Variants in TMEM117 observed in about 807,000 individuals in gnomAD.
TMEM117 encodes the protein transmembrane protein 117.
In TMEM117, 27 loss-of-function variants were observed where a neutral mutation model predicts 52.4. The observed-to-expected ratio is 0.51, with a 90% CI of 0.38 to 0.71. The LOEUF is 0.71. Ranked by LOEUF, TMEM117 falls within the 30% of genes least tolerant of loss-of-function variation. TMEM117 has a pLI of 0.00. For synonymous variants in TMEM117, 215 were observed against 206.3 expected (o/e 1.04, Z -0.36); for missense variants, 556 against 630.5 (o/e 0.88, Z 1.26).
chr12:44,226,782 G>C (rs923424663), intron 5 of TMEM117, among the ~76,000 whole-genome samples: 4 of 152,102 alleles, frequency 2.6e-5, no homozygotes, highest in African/African-American at 9.7e-5. Context: ...ATAAGCCAGG[G>C]AGAGAGGCCT....
chr12:43,864,112 G>A (rs1943539790), intron 2 of TMEM117, among the ~76,000 whole-genome samples: 1 of 152,180 alleles, frequency 6.6e-6, no homozygotes, highest in Non-Finnish European at 1.5e-5. Flanking sequence ...TTCTCACGGG[G>A]CTTTAGCTGC....
intron 5 of TMEM117, among the ~76,000 whole-genome samples, chr12:44,278,220 T>C (rs1436070160): frequency 6.6e-6 from 1 of 152,146 alleles, no homozygotes; most frequent in African/African-American, 2.4e-5. Flanking sequence ...TGATGCCTCA[T>C]CATATTCATA....
intron 5 of TMEM117, among the ~76,000 whole-genome samples, chr12:44,266,680 A>G (rs570294734): frequency 7.9e-5 from 12 of 152,260 alleles, no homozygotes; most frequent in Non-Finnish European, 7.4e-5. Context: ...CACATTTAAG[A>G]AACAGTTGTC....
At chr12:43,947,016 G>T (rs1403675971) in intron 3 of TMEM117, among the ~76,000 whole-genome samples, 1 of 152,148 alleles carries the variant, frequency 6.6e-6, no homozygotes, top group African/African-American at 2.4e-5. Flanking sequence ...CAAAGCAAGG[G>T]ACAAATGGTT....
At chr12:43,804,166 T>C in the TMEM117 span, 1 of 387,136 alleles carries the variant, frequency 2.6e-6, no homozygotes, top group Non-Finnish European at 5.2e-6. Flanking sequence ...TTTTTTTTTT[T>C]GATAATCACC....
At chr12:43,995,770 G>A (rs1946020393) in intron 3 of TMEM117, among the ~76,000 whole-genome samples, 2 of 152,136 alleles carry the variant, frequency 1.3e-5, no homozygotes. Flanking sequence ...CAAGAAAACA[G>A]ACTAATAATC....
intron 6 of TMEM117, among the ~76,000 whole-genome samples, chr12:44,368,650 G>A (rs1023071129): frequency 1.3e-5 from 2 of 152,128 alleles, no homozygotes; most frequent in African/African-American, 4.8e-5. Context: ...ACAATTGAAT[G>A]TGACCATTCC....
chr12:44,334,803 T>G lies in TMEM117; in HGVS notation c.768+35064T>G, dbSNP rs75911448. Among the ~76,000 whole-genome samples the G allele has an allele frequency of 1.6e-3, 237 of 152,166 alleles. 1 individual carries two copies. The highest frequency in any genetic ancestry group is 5.3e-3 in the African/African-American group (219 of 41,552). The stretch of plus-strand genomic sequence containing the variant: ...GCACAGTGACATTTAAAAAGTACTG[T>G]TTCATGAGTATCTGATTCATGATCT... On this transcript the variant is annotated intron_variant, in intron 6 of 7. Transcript: ENST00000266534.
At chr12:43,995,165 G>A (rs1278412448) in intron 3 of TMEM117, among the ~76,000 whole-genome samples, 2 of 151,934 alleles carry the variant, frequency 1.3e-5, no homozygotes, top group Non-Finnish European at 2.9e-5. Flanking sequence ...CAGTTACTCA[G>A]GAGGCTGAGG....
chr12:44,398,416 C>G, the TMEM117 span, among the ~76,000 whole-genome samples: 2 of 152,194 alleles, frequency 1.3e-5, no homozygotes, highest in Non-Finnish European at 2.9e-5. Context: ...GAAAGCCATA[C>G]AGACAGCCCA....
chr12:44,075,332 A>G (rs1223171726), intron 3 of TMEM117, among the ~76,000 whole-genome samples: 1 of 152,214 alleles, frequency 6.6e-6, no homozygotes, highest in Admixed American at 6.5e-5. Flanking sequence ...GCCTTGGGTA[A>G]GTTACTTCAT....
rs1204674742 is a variant in TMEM117 at position 43,836,088 on chromosome 12, C to A, written c.-137C>A. Reference sequence around the variant, plus strand: ...CGTGACAGCAGCAGCGGCAGCGACGCCGCCGGCCCGTCTCGCCGCGCTTCC... The same window carrying A: ...CGTGACAGCAGCAGCGGCAGCGACGACGCCGGCCCGTCTCGCCGCGCTTCC... On this transcript the variant is annotated 5_prime_UTR_variant, in exon 1 of 8. Coordinates refer to ENST00000266534, the MANE Select transcript of TMEM117 (RefSeq NM_032256.3). 1 of 151,796 alleles carries A rather than the reference C, an allele frequency of 6.6e-6. No individual in the cohort carries two copies. Among genetic ancestry groups the A allele is most frequent in the Non-Finnish European group, 1.5e-5 (1 of 67,920 alleles). The allele number at this position is 151,796 out of a possible 1,614,324, so 9.4% of individuals were successfully genotyped here. A position where few individuals can be genotyped will look rare whatever the true frequency, so the allele number is the denominator to read the frequency against.
chr12:43,868,132 GTC>G (rs1248460498), intron 2 of TMEM117, among the ~76,000 whole-genome samples: 1 of 150,830 alleles, frequency 6.6e-6, no homozygotes, highest in Admixed American at 6.6e-5. Flanking sequence ...TCTGTCTGCT[GTC>G]TCTCTCCTTC....
intron 2 of TMEM117, among the ~76,000 whole-genome samples, chr12:43,943,983 T>G (rs549422597): frequency 7.6e-4 from 116 of 152,360 alleles, no homozygotes; most frequent in Admixed American, 2.0e-3. Flanking sequence ...TTAGTAGTAT[T>G]TACTCTAGGA....
intron 3 of TMEM117, among the ~76,000 whole-genome samples, chr12:44,057,425 G>C (rs1947073310): frequency 6.6e-6 from 1 of 152,014 alleles, no homozygotes; most frequent in Non-Finnish European, 1.5e-5. Flanking sequence ...TGATATGATA[G>C]AGTAACTGTT....
At position 44,097,576 on chromosome 12, in the gene TMEM117, G is replaced by C. The variant is rs139503325; in HGVS notation, c.411-45949G>C. Among the ~76,000 whole-genome samples, 251 of 152,088 alleles carry C rather than the reference G, an allele frequency of 1.7e-3. 6 individuals are homozygous for C. The East Asian group carries it at 0.045, about 27-fold the overall frequency. ...TCATGTTCTTTGTAGGGACATGGAT[G>C]AACTTGGAAGTCATCATTCTTAGCA... On this transcript the variant is annotated intron_variant, in intron 3 of 7. Transcript: ENST00000266534.
the TMEM117 span, chr12:43,804,681 G>C: frequency 1.5e-6 from 1 of 650,110 alleles, no homozygotes; most frequent in Non-Finnish European, 2.6e-6. Context: ...GGAGCATGTA[G>C]CATCCTTATT....
In TMEM117 at chr12:44,389,066, A is replaced by ACGG; in HGVS notation, c.*395_*396insGGC. The ACGG allele has an allele frequency of 6.3e-6, 1 of 158,456 alleles. No homozygotes were observed. Among genetic ancestry groups the ACGG allele is most frequent in the Non-Finnish European group, 1.4e-5 (1 of 71,792 alleles). The allele number at this position is 158,456 out of a possible 1,614,324, so 9.8% of individuals were successfully genotyped here. A position where few individuals can be genotyped will look rare whatever the true frequency, so the allele number is the denominator to read the frequency against. On this transcript the variant is annotated 3_prime_UTR_variant, in exon 8 of 8. Transcript: ENST00000266534. ...CCTATTTCACATGGGCGTTTTGTAT[A>ACGG]CAACTATTTTGATCTACACTTGATG...
chr12:44,039,856 G>T (rs1396184071), intron 3 of TMEM117, among the ~76,000 whole-genome samples: 6 of 152,064 alleles, frequency 3.9e-5, no homozygotes, highest in Non-Finnish European at 4.4e-5. Flanking sequence ...TGATATAAAT[G>T]ATAACAAAGA....
Sources: allele counts gnomAD v4.1 joint callset (sites outside exome capture counted in the v4.1 genomes callset), GRCh38; gene constraint gnomAD v4.1.1; transcripts MANE v1.5; gene names NCBI Gene and HGNC (gene_info 2026-07-23, HGNC 2026-07-21).